LHFPL3: variants seen among roughly 807,000 people sequenced by gnomAD.
LHFPL3 encodes the protein LHFPL tetraspan subfamily member 3.
LHFPL3 carries 5 observed loss-of-function variants against 19.3 expected under a neutral mutation model. That is an observed-to-expected ratio of 0.26 (90% CI 0.14 to 0.54). The LOEUF (loss-of-function observed/expected upper bound fraction) is 0.54. Among genes scored for constraint, LHFPL3 ranks in the 20% least tolerant of loss-of-function variants. LHFPL3 has a pLI of 0.94. For synonymous variants in LHFPL3, 133 were observed against 126.2 expected (o/e 1.05, Z -0.36); for missense variants, 249 against 307.4 (o/e 0.81, Z 1.42).
At chr7:104,403,078 G>A (rs1791346816) in intron 1 of LHFPL3, among the ~76,000 whole-genome samples, 1 of 152,160 alleles carries the variant, frequency 6.6e-6, no homozygotes, top group Non-Finnish European at 1.5e-5. Context: ...CCTAATGCAT[G>A]CGGGGCTTAA....
At chr7:104,765,221 A>G (rs933186635) in intron 2 of LHFPL3, among the ~76,000 whole-genome samples, 3 of 152,210 alleles carry the variant, frequency 2.0e-5, no homozygotes, top group Non-Finnish European at 4.4e-5. Context: ...CTACAAGGAA[A>G]ATGCTCCTCT....
chr7:104,745,858 C>T (rs1057445024), intron 2 of LHFPL3, among the ~76,000 whole-genome samples: 1 of 152,158 alleles, frequency 6.6e-6, no homozygotes, highest in African/African-American at 2.4e-5. Context: ...CTTAGGTCAA[C>T]AATTCATATG....
chr7:104,535,226 T>G (rs1794370204), intron 1 of LHFPL3, among the ~76,000 whole-genome samples: 1 of 152,218 alleles, frequency 6.6e-6, no homozygotes, highest in Non-Finnish European at 1.5e-5. Context: ...TGGTATTATT[T>G]CACGTCTCTG....
chr7:104,862,860 C>A (rs1300895673), intron 2 of LHFPL3, among the ~76,000 whole-genome samples: 1 of 152,206 alleles, frequency 6.6e-6, no homozygotes, highest in East Asian at 1.9e-4. Context: ...GATCCCCTAG[C>A]TGCCGAGTCG....
chr7:104,518,451 C>T (rs546928133), intron 1 of LHFPL3, among the ~76,000 whole-genome samples: 7 of 151,950 alleles, frequency 4.6e-5, no homozygotes, highest in Non-Finnish European at 1.0e-4. Flanking sequence ...AGAGGTTGTA[C>T]CTTGTTTTTT....
chr7:104,366,247 C>T (rs1027174429), intron 1 of LHFPL3, among the ~76,000 whole-genome samples: 1 of 152,100 alleles, frequency 6.6e-6, no homozygotes, highest in Non-Finnish European at 1.5e-5. Context: ...GATACTAAGA[C>T]CTGTGAGTGA....
intron 1 of LHFPL3, among the ~76,000 whole-genome samples, chr7:104,664,990 C>A (rs2116004461): frequency 6.6e-6 from 1 of 152,310 alleles, no homozygotes; most frequent in South Asian, 2.1e-4. Context: ...TAACAACTAT[C>A]TTGCTGGCCA....
chr7:104,440,494 C>T (rs1046562118), intron 1 of LHFPL3, among the ~76,000 whole-genome samples: 35 of 151,914 alleles, frequency 2.3e-4, no homozygotes, highest in Admixed American at 2.3e-3. Flanking sequence ...AGCACACCAG[C>T]ATGGCACATG....
intron 2 of LHFPL3, among the ~76,000 whole-genome samples, chr7:104,746,001 C>T (rs1794039536): frequency 6.6e-6 from 1 of 152,134 alleles, no homozygotes; most frequent in Non-Finnish European, 1.5e-5. Flanking sequence ...TCTTCACAAT[C>T]ACCTGGGGGA....
At chr7:104,575,777 G>C (rs1029176349) in intron 1 of LHFPL3, among the ~76,000 whole-genome samples, 7 of 151,936 alleles carry the variant, frequency 4.6e-5, no homozygotes, top group African/African-American at 1.7e-4. Flanking sequence ...CTCCCAAAGT[G>C]CTGGGATTAC....
At chr7:104,897,374 T>A (rs1262315048) in intron 2 of LHFPL3, among the ~76,000 whole-genome samples, 1 of 152,208 alleles carries the variant, frequency 6.6e-6, no homozygotes, top group Non-Finnish European at 1.5e-5. Flanking sequence ...CCCTTTGGTC[T>A]AGAGAGGAAG....
intron 1 of LHFPL3, among the ~76,000 whole-genome samples, chr7:104,551,118 C>T (rs1012533519): frequency 6.2e-5 from 4 of 64,658 alleles, no homozygotes; most frequent in Non-Finnish European, 1.2e-4. Flanking sequence ...TCCTTGTGTA[C>T]ACACACACAC....
At chr7:104,886,098 A>G (rs1266361427) in intron 2 of LHFPL3, among the ~76,000 whole-genome samples, 1 of 152,222 alleles carries the variant, frequency 6.6e-6, no homozygotes, top group Non-Finnish European at 1.5e-5. Context: ...TATTTATTAC[A>G]CATTTATTTG....
At position 104,906,461 on chromosome 7, in the gene LHFPL3, T is replaced by A. The variant is rs1298444331; in HGVS notation, c.*246T>A. The A allele has an allele frequency of 2.0e-6, 1 of 510,266 alleles. No individual in the cohort carries two copies. The highest frequency in any genetic ancestry group is 3.4e-6 in the Non-Finnish European group (1 of 290,324). 31.6% of individuals were successfully genotyped at this position (510,266 alleles called of 1,614,324 possible). On this transcript the variant is annotated 3_prime_UTR_variant, in exon 3 of 3. Transcript: ENST00000424859. ...TAAACACCAGCTCATTGGAAACTCATTGGATGAGATCAGAAAACGTTCATG... is the reference window on the plus strand; with the variant it reads ...TAAACACCAGCTCATTGGAAACTCAATGGATGAGATCAGAAAACGTTCATG...
intron 1 of LHFPL3, among the ~76,000 whole-genome samples, chr7:104,462,514 G>C (rs1002211134): frequency 6.6e-6 from 1 of 152,128 alleles, no homozygotes; most frequent in African/African-American, 2.4e-5. Flanking sequence ...TTTATCTTTA[G>C]TTCTGTTTAT....
intron 1 of LHFPL3, among the ~76,000 whole-genome samples, chr7:104,335,139 G>A (rs914215384): frequency 6.6e-6 from 1 of 152,198 alleles, no homozygotes; most frequent in African/African-American, 2.4e-5. Flanking sequence ...CTCAGGTGTA[G>A]ACTCAGTGTT....
chr7:104,775,181 CAGG>C (rs1311959477), intron 2 of LHFPL3, among the ~76,000 whole-genome samples: 1 of 152,180 alleles, frequency 6.6e-6, no homozygotes, highest in African/African-American at 2.4e-5. Context: ...CACTTGAGGT[CAGG>C]AGTTCAAGAC....
At chr7:104,571,324 CTT>C (rs1790226203) in intron 1 of LHFPL3, among the ~76,000 whole-genome samples, 1 of 152,106 alleles carries the variant, frequency 6.6e-6, no homozygotes. Flanking sequence ...AAACCAAACT[CTT>C]TCCTCAGTCT....
At chr7:104,462,351 A>G (rs1326840861) in intron 1 of LHFPL3, among the ~76,000 whole-genome samples, 3 of 152,190 alleles carry the variant, frequency 2.0e-5, no homozygotes, top group African/African-American at 7.2e-5. Context: ...ATTCAGTATG[A>G]TAGTGGCTGT....
Sources: gnomAD v4.1 joint callset for allele counts (sites outside exome capture counted in the v4.1 genomes callset) on GRCh38, gnomAD v4.1.1 for gene constraint, MANE v1.5 for transcripts, NCBI Gene and HGNC (gene_info 2026-07-23, HGNC 2026-07-21) for gene names.